The following MCM2 variants were observed in gnomAD, a reference collection of about 807,000 sequenced individuals.
MCM2 encodes DNA replication licensing factor MCM2.
A neutral mutation model predicts 86.4 loss-of-function variants in MCM2; 49 were observed. The observed-to-expected ratio is 0.57, with a 90% CI of 0.45 to 0.72. The LOEUF is 0.72. MCM2 is among the 30% of genes least tolerant of loss of function. MCM2 has a pLI of 0.00. For synonymous variants in MCM2, 475 were observed against 484.6 expected (o/e 0.98, Z 0.26); for missense variants, 1,038 against 1,259.9 (o/e 0.82, Z 2.67).
At chr3:127,615,778 G>A (rs1053307694) in intron 8 of MCM2, 84 bp from the exon 9 acceptor site, 23 of 955,022 alleles carry the variant, frequency 2.4e-5, no homozygotes, top group Middle Eastern at 2.1e-4. Context: ...TGGGGATGTC[G>A]TGGTTCCCTG....
Position 127,606,627 on chromosome 3 carries a change from A to C in MCM2, c.911A>C (p.Gln304Pro). ...CTCCGCAGGCAGCTGCATCTGAACC[A>C]GCTGATCCGCACCAGTGGGGTGGTG... Reference protein sequence around the residue: ...LRSLRQLHLNQLIRTSGVVTS... With the variant: ...LRSLRQLHLNPLIRTSGVVTS... Residue 304 changes from glutamine (Q) to proline (P), a missense_variant, in exon 6 of 16, where the codon CAG (glutamine) becomes CCG (proline). Gln to Pro is a moderately conservative substitution (Grantham distance 76). Coordinates refer to ENST00000265056, the MANE Select transcript of MCM2 (RefSeq NM_004526.4). The surrounding 1 kb of genome is among the most constrained non-coding windows in gnomAD (Gnocchi z 4.2). 6.2e-7 allele frequency: 1 copy of C among 1,614,070 alleles called. No individual in the cohort carries two copies. The highest frequency in any genetic ancestry group is 8.5e-7 in the Non-Finnish European group (1 of 1,180,024).
At chr3:127,610,638 A>G in intron 8 of MCM2, 1 of 381,112 alleles carries the variant, frequency 2.6e-6, no homozygotes, top group Non-Finnish European at 5.2e-6. Flanking sequence ...TAGGCAGGGT[A>G]GTTTTGTGTC....
chr3:127,606,894 C>G lies in MCM2; in HGVS notation c.1101+77C>G. 5.6e-6 allele frequency: 8 copies of G among 1,422,720 alleles called. No homozygotes were observed. The highest frequency in any genetic ancestry group is 7.9e-6 in the Non-Finnish European group (8 of 1,012,332). The allele number at this position is 1,422,720 out of a possible 1,614,324, so 88.1% of individuals were successfully genotyped here. Reference sequence around the variant, plus strand: ...TGCAGGACCTGACTGGCCTCTCAGGCTGTGGAAGACCAGTGTGGGCAGCCG... The same window carrying G: ...TGCAGGACCTGACTGGCCTCTCAGGGTGTGGAAGACCAGTGTGGGCAGCCG... On this transcript the variant is annotated intron_variant, in intron 6 of 15. Coordinates refer to ENST00000265056, the MANE Select transcript of MCM2 (RefSeq NM_004526.4). The surrounding 1 kb of genome is among the most constrained non-coding windows in gnomAD (Gnocchi z 4.2).
In MCM2 at chr3:127,617,633, C is replaced by T. The variant is rs1367660980; in HGVS notation, c.1900+228C>T. 9.6e-6 allele frequency: 6 copies of T among 628,060 alleles called. No individual in the cohort carries two copies. Among genetic ancestry groups the T allele is most frequent in the African/African-American group, 9.2e-5 (5 of 54,320 alleles). The allele number at this position is 628,060 out of a possible 1,614,324, so 38.9% of individuals were successfully genotyped here. A position where few individuals can be genotyped will look rare whatever the true frequency, so the allele number is the denominator to read the frequency against. ...TTCCTGGAATCACCTTGGATGTTCT[C>T]AGAAGGCATGGGAGGAGAGCCCAGT... On this transcript the variant is annotated intron_variant, in intron 11 of 15. Coordinates refer to ENST00000265056, the MANE Select transcript of MCM2 (RefSeq NM_004526.4). The surrounding 1 kb of genome is among the most constrained non-coding windows in gnomAD (Gnocchi z 4.1).
rs771618507 is a variant in MCM2 at position 127,599,589 on chromosome 3, A to G, written c.236+42A>G. 9.7e-6 allele frequency: 15 copies of G among 1,553,104 alleles called. No individual in the cohort carries two copies. The African/African-American group carries it at 2.0e-4, about 21-fold the overall frequency. On this transcript the variant is annotated intron_variant, in intron 2 of 15. Transcript: ENST00000265056. The stretch of plus-strand genomic sequence containing the variant: ...CCCTGGACTCAGCAGATAGTTTTGC[A>G]GAGAGCCCATTGTGTGCCTGGTGGC...
In MCM2 at chr3:127,606,763, A is replaced by T. The variant is rs755633638; in HGVS notation, c.1047A>T (p.Pro349=). The T allele has an allele frequency of 1.2e-6, 2 of 1,614,238 alleles. No individual in the cohort carries two copies. Among genetic ancestry groups the T allele is most frequent in the Non-Finnish European group, 1.7e-6 (2 of 1,180,048 alleles). ...FCQSQNQEVK[P]GSCPECQSAG... ...AGTCCCAGAACCAGGAGGTGAAACC[A>T]GGCTCCTGTCCTGAGTGCCAGTCGG... The change falls in exon 6 of 16, where the codon CCA becomes CCT. Residue 349 remains proline (P), a synonymous_variant. Transcript: ENST00000265056. This position sits in a 1 kb window ranked among gnomAD's most constrained non-coding sequence, Gnocchi z 4.2.
At chr3:127,601,577 G>A (rs536990187) in intron 2 of MCM2, among the ~76,000 whole-genome samples, 2 of 152,244 alleles carry the variant, frequency 1.3e-5, no homozygotes, top group East Asian at 3.9e-4. Flanking sequence ...TGTTGGCCAG[G>A]CTGGTCTTGA....
At chr3:127,615,742 A>C in intron 8 of MCM2, 120 bp from the exon 9 acceptor site, 1 of 717,080 alleles carries the variant, frequency 1.4e-6, no homozygotes, top group South Asian at 1.6e-5. Flanking sequence ...CAGTTGCAGC[A>C]GCTGTGGAAG....
rs576511002 is a variant in MCM2 at position 127,612,841 on chromosome 3, G to A, written c.1429-3021G>A. 5.3e-5 allele frequency among the ~76,000 whole-genome samples: 8 copies of A among 152,282 alleles called. No individual in the cohort carries two copies. The South Asian group carries it at 8.3e-4, about 16-fold the overall frequency. On this transcript the variant is annotated intron_variant, in intron 8 of 15. Coordinates refer to ENST00000265056, the MANE Select transcript of MCM2 (RefSeq NM_004526.4). ...TTTGGATTCAGATGCATCTGGGGTCGAGTCTTGCCTCTCCTCTAGGAGAAA... is the reference window on the plus strand; with the variant it reads ...TTTGGATTCAGATGCATCTGGGGTCAAGTCTTGCCTCTCCTCTAGGAGAAA...
chr3:127,609,265 C>T (rs2074375158), intron 8 of MCM2, among the ~76,000 whole-genome samples: 1 of 152,130 alleles, frequency 6.6e-6, no homozygotes, highest in African/African-American at 2.4e-5. Context: ...ACTTGGATGA[C>T]CTCTCTGAGT....
At chr3:127,607,769 T>C (rs2074362130) in intron 6 of MCM2, among the ~76,000 whole-genome samples, 1 of 152,230 alleles carries the variant, frequency 6.6e-6, no homozygotes, top group Non-Finnish European at 1.5e-5. Flanking sequence ...GAACTGTTAC[T>C]GGCCCCACTT....
Position 127,608,743 on chromosome 3 carries a change from A to C in MCM2, c.1237-89A>C. On this transcript the variant is annotated intron_variant, in intron 7 of 15. Transcript: ENST00000265056. The stretch of plus-strand genomic sequence containing the variant: ...TATCTTGGTGTCTGTAGTGTGGAGC[A>C]CTTGCAATAGGAGAAACTGGAGGAA... 3 of 1,369,066 alleles carry C rather than the reference A, an allele frequency of 2.2e-6. No individual in the cohort carries two copies. In the Admixed American group the frequency reaches 5.2e-5, roughly 24 times the overall value. The allele number at this position is 1,369,066 out of a possible 1,614,324, so 84.8% of individuals were successfully genotyped here. A position where few individuals can be genotyped will look rare whatever the true frequency, so the allele number is the denominator to read the frequency against.
Position 127,617,125 on chromosome 3 carries a change from C to T in MCM2, c.1773+7C>T. The T allele has an allele frequency of 6.2e-7, 1 of 1,611,344 alleles. No individual in the cohort carries two copies. Among genetic ancestry groups the T allele is most frequent in the Non-Finnish European group, 8.5e-7 (1 of 1,177,976 alleles). ...CATTGATGAATTTGACAAGGTGGGT[C>T]CCTGGGTCACGGAGGCTGGTGGAAC... On this transcript the variant is annotated splice_region_variant and intron_variant, in intron 10 of 15. Coordinates refer to ENST00000265056, the MANE Select transcript of MCM2 (RefSeq NM_004526.4). This position sits in a 1 kb window ranked among gnomAD's most constrained non-coding sequence, Gnocchi z 4.1.
intron 6 of MCM2, among the ~76,000 whole-genome samples, chr3:127,607,498 A>T (rs894832546): frequency 1.3e-5 from 2 of 152,114 alleles, no homozygotes; most frequent in Non-Finnish European, 2.9e-5. Context: ...AATGCCTCAG[A>T]GGTTCCACCT....
chr3:127,604,088 C>A (rs951998689), intron 2 of MCM2, among the ~76,000 whole-genome samples: 1 of 152,238 alleles, frequency 6.6e-6, no homozygotes, highest in Non-Finnish European at 1.5e-5. Flanking sequence ...CATGCCCAGC[C>A]ATCTTAACCA....
At chr3:127,603,431 G>A (rs2074320121) in intron 2 of MCM2, among the ~76,000 whole-genome samples, 1 of 150,670 alleles carries the variant, frequency 6.6e-6, no homozygotes, top group Non-Finnish European at 1.5e-5. Context: ...CAAAGTGCTA[G>A]GATTACAGGC....
intron 13 of MCM2, 139 bp from the exon 14 acceptor site, chr3:127,620,559 C>T (rs1019863648): frequency 2.6e-5 from 21 of 801,864 alleles, no homozygotes; most frequent in Admixed American, 1.7e-4. Context: ...CACTGGGCAG[C>T]GCAGTCAAGC....
At chr3:127,598,554 C>G (rs936250024) in intron 1 of MCM2, 82 bp downstream of exon 1, 145 of 1,543,610 alleles carry the variant, frequency 9.4e-5, no homozygotes, top group Non-Finnish European at 1.2e-4. Flanking sequence ...GGCCCCGGCC[C>G]AGGGCGGCGC....
At chr3:127,599,130 TCAGCTGAGAGCATTC>T in intron 1 of MCM2, 173 bp from the exon 2 acceptor site, 1 of 633,272 alleles carries the variant, frequency 1.6e-6, no homozygotes. Flanking sequence ...CTCAGATTGC[TCAGCTGAGAGCATTC>T]CAGGTGAGAG....
Sources: allele counts gnomAD v4.1 joint callset (sites outside exome capture counted in the v4.1 genomes callset), GRCh38; gene constraint gnomAD v4.1.1; non-coding constraint Gnocchi (gnomAD v3.1); transcripts MANE v1.5; gene names NCBI Gene and HGNC (gene_info 2026-07-23, HGNC 2026-07-21).